The following MGAT4C variants were observed in gnomAD, a reference collection of about 807,000 sequenced individuals.
The protein encoded by MGAT4C is alpha-1,3-mannosyl-glycoprotein 4-beta-N-acetylglucosaminyltransferase C.
MGAT4C carries 19 observed loss-of-function variants against 40.1 expected under a neutral mutation model. The ratio of observed to expected loss-of-function variants is 0.47; its 90% confidence interval spans 0.33 to 0.70. The LOEUF (loss-of-function observed/expected upper bound fraction) is 0.70, where lower values mean the gene tolerates loss of function less well. Among genes scored for constraint, MGAT4C ranks in the 30% least tolerant of loss-of-function variants. The pLI is 0.02. For synonymous variants in MGAT4C, 181 were observed against 187.1 expected (o/e 0.97, Z 0.27); for missense variants, 491 against 563.2 (o/e 0.87, Z 1.30).
chr12:86,317,446 A>C (rs1954269281), intron 4 of MGAT4C, among the ~76,000 whole-genome samples: 1 of 152,162 alleles, frequency 6.6e-6, no homozygotes, highest in Non-Finnish European at 1.5e-5. Flanking sequence ...AAAACTGATA[A>C]ATAAATTAGA....
intron 1 of MGAT4C, among the ~76,000 whole-genome samples, chr12:86,806,764 C>A (rs940823891): frequency 3.3e-5 from 5 of 151,968 alleles, no homozygotes; most frequent in South Asian, 2.1e-4. Context: ...GGGAAAAAAA[C>A]CAAACACCAC....
intron 2 of MGAT4C, among the ~76,000 whole-genome samples, chr12:86,644,431 T>G (rs1044189792): frequency 2.6e-5 from 4 of 151,866 alleles, no homozygotes; most frequent in African/African-American, 9.6e-5. Flanking sequence ...ATTTTAAGAA[T>G]AGTAATAACA....
intron 1 of MGAT4C, among the ~76,000 whole-genome samples, chr12:86,163,498 C>A (rs1405016115): frequency 2.0e-5 from 3 of 152,096 alleles, no homozygotes; most frequent in Admixed American, 1.3e-4. Context: ...GGACAATAAT[C>A]AAAATTTCTT....
At chr12:86,068,224 T>C (rs926838287) in intron 1 of MGAT4C, 1 of 152,192 alleles carries the variant, frequency 6.6e-6, no homozygotes, top group Non-Finnish European at 1.5e-5. Flanking sequence ...TTGTTTGTTT[T>C]TGTTGTTCTT....
intron 2 of MGAT4C, among the ~76,000 whole-genome samples, chr12:86,663,780 AT>A (rs1314346025): frequency 6.6e-6 from 1 of 152,182 alleles, no homozygotes; most frequent in African/African-American, 2.4e-5. Context: ...TGATGGGGAA[AT>A]ACAAGGTTTT....
intron 1 of MGAT4C, among the ~76,000 whole-genome samples, chr12:86,251,508 TCTG>T (rs1240495280): frequency 6.6e-6 from 1 of 152,086 alleles, no homozygotes; most frequent in East Asian, 1.9e-4. Context: ...CTTTTCTTGC[TCTG>T]CTGAGAAAAA....
intron 2 of MGAT4C, among the ~76,000 whole-genome samples, chr12:86,453,854 C>T (rs1039486331): frequency 1.3e-5 from 2 of 152,000 alleles, no homozygotes; most frequent in African/African-American, 4.8e-5. Flanking sequence ...TGGGTATATG[C>T]AGCTTTTAAG....
rs148659881 is a variant in MGAT4C, at chr12:86,181,158, C to T, written c.-57+75081G>A. ...CTTCTTCCTCACTTTTCTCTTGCCG[C>T]GGCCATGTAAGAATTGCCTTTTGCC... is the stretch of plus-strand genomic sequence containing the variant. On this transcript the variant is annotated intron_variant, in intron 1 of 4. Coordinates refer to ENST00000611864, the MANE Select transcript of MGAT4C (RefSeq NM_001351288.2). 7.3e-3 allele frequency among the ~76,000 whole-genome samples: 1,107 copies of T among 152,180 alleles called. 7 individuals are homozygous for T. Among genetic ancestry groups the T allele is most frequent in the South Asian group, 0.013 (65 of 4,820 alleles).
chr12:86,365,917 C>A (rs1385355158), intron 3 of MGAT4C, among the ~76,000 whole-genome samples: 3 of 152,056 alleles, frequency 2.0e-5, no homozygotes, highest in African/African-American at 7.2e-5. Flanking sequence ...TTTTCTAGTT[C>A]TGTGGAAAAT....
intron 4 of MGAT4C, among the ~76,000 whole-genome samples, chr12:86,273,812 C>G (rs139141485): frequency 6.6e-6 from 1 of 152,138 alleles, no homozygotes; most frequent in Non-Finnish European, 1.5e-5. Context: ...AATAATTCAA[C>G]GTATCATGAA....
At chr12:86,128,117 G>A (rs1019648183) in intron 1 of MGAT4C, among the ~76,000 whole-genome samples, 1 of 152,170 alleles carries the variant, frequency 6.6e-6, no homozygotes, top group Non-Finnish European at 1.5e-5. Flanking sequence ...GCCAACACAT[G>A]AGGAATGCTT....
chr12:86,584,057 G>T (rs1352441766), intron 2 of MGAT4C, among the ~76,000 whole-genome samples: 1 of 150,652 alleles, frequency 6.6e-6, no homozygotes, highest in African/African-American at 2.4e-5. Context: ...TAACAAGGAC[G>T]ATATATAAAA....
chr12:86,191,753 T>TGTGTGTGTGTGTGC (rs1889516075), intron 1 of MGAT4C, among the ~76,000 whole-genome samples: 1 of 136,466 alleles, frequency 7.3e-6, no homozygotes, highest in African/African-American at 2.7e-5. Context: ...GAGATAAAGG[T>TGTGTGTGTGTGTGC]GTGTGTGTGT....
chr12:86,711,177 A>T, intron 2 of MGAT4C, among the ~76,000 whole-genome samples: 1 of 152,204 alleles, frequency 6.6e-6, no homozygotes, highest in East Asian at 1.9e-4. Flanking sequence ...CCCCCCAAAA[A>T]TTTGAAATAA....
intron 2 of MGAT4C, among the ~76,000 whole-genome samples, chr12:86,506,112 T>C (rs1304448653): frequency 6.6e-6 from 1 of 152,190 alleles, no homozygotes; most frequent in African/African-American, 2.4e-5. Flanking sequence ...TTAGGAGTTT[T>C]GTCAGAAAGA....
At chr12:86,704,651 A>C (rs1041198820) in intron 2 of MGAT4C, among the ~76,000 whole-genome samples, 2 of 152,128 alleles carry the variant, frequency 1.3e-5, no homozygotes, top group African/African-American at 4.8e-5. Flanking sequence ...TATAACAATC[A>C]ACTTATAAGG....
At chr12:86,714,033 A>G (rs1375535920) in intron 2 of MGAT4C, among the ~76,000 whole-genome samples, 1 of 152,194 alleles carries the variant, frequency 6.6e-6, no homozygotes, top group Non-Finnish European at 1.5e-5. Context: ...TTCATATAGG[A>G]AGCAACAGCA....
At chr12:86,376,998 T>C (rs1193696652) in intron 3 of MGAT4C, among the ~76,000 whole-genome samples, 2 of 152,200 alleles carry the variant, frequency 1.3e-5, no homozygotes, top group Non-Finnish European at 2.9e-5. Context: ...TTTCTACATT[T>C]CATTATATAA....
At position 86,279,353 on chromosome 12, in the gene MGAT4C, C is replaced by T. The variant is rs139512099; in HGVS notation, c.-57+54712G>A. Among the ~76,000 whole-genome samples, 7 of 151,768 alleles carry T rather than the reference C, an allele frequency of 4.6e-5. 1 individual carries two copies. The highest frequency in any genetic ancestry group is 1.2e-4 in the African/African-American group (5 of 41,416). On this transcript the variant is annotated intron_variant, in intron 4 of 7. Transcript: ENST00000548651. ...CTCATTACTTGTTATTGGTCTGTTC[C>T]GGTTTTGGATTTCTTCATAGTTCAA...
Sources: gnomAD v4.1 joint callset for allele counts (sites outside exome capture counted in the v4.1 genomes callset) on GRCh38, gnomAD v4.1.1 for gene constraint, MANE v1.5 for transcripts, NCBI Gene and HGNC (gene_info 2026-07-23, HGNC 2026-07-21) for gene names.